LZTS1: variants seen among roughly 807,000 people sequenced by gnomAD.
LZTS1 encodes leucine zipper tumor suppressor 1, also known as leucine zipper putative tumor suppressor 1.
Under a neutral mutation model 45.8 loss-of-function variants are expected in LZTS1, and 31 were observed. The observed-to-expected ratio is 0.68, with a 90% CI of 0.51 to 0.91. The LOEUF is 0.91. Ranked by LOEUF, LZTS1 falls within the 40% of genes least tolerant of loss-of-function variation. The probability of loss-of-function intolerance (pLI) is 0.00; values close to 1 mark genes in which losing one functional copy is unlikely to be tolerated. For missense variants in LZTS1, 821 were observed against 788.9 expected, an observed-to-expected ratio of 1.04 and a Z score of -0.49; for synonymous variants, 359 against 357.3, an observed-to-expected ratio of 1.00 and a Z score of -0.05.
At chr8:20,258,137 G>T (rs890645427) in intron 1 of LZTS1, among the ~76,000 whole-genome samples, 1 of 152,200 alleles carries the variant, frequency 6.6e-6, no homozygotes, top group East Asian at 1.9e-4. Flanking sequence ...AGCTAGGAAA[G>T]GTTGGTGATT....
chr8:20,255,452 C>T, intron 1 of LZTS1, 137 bp from the exon 2 acceptor site: 1 of 506,688 alleles, frequency 2.0e-6, no homozygotes, highest in Non-Finnish European at 3.3e-6. Context: ...GTGCTCCGTT[C>T]CTTCTTCCTT....
intron 1 of LZTS1, among the ~76,000 whole-genome samples, chr8:20,280,861 A>C (rs1281623368): frequency 1.3e-5 from 2 of 152,110 alleles, no homozygotes; most frequent in Non-Finnish European, 2.9e-5. Flanking sequence ...AGGCTCTCTA[A>C]AAAACCGCTC....
chr8:20,279,145 G>A lies in LZTS1; in HGVS notation c.-134-23830C>T, dbSNP rs190892852. 2.2e-3 allele frequency among the ~76,000 whole-genome samples: 339 copies of A among 152,300 alleles called. 1 individual carries two copies. Among genetic ancestry groups the A allele is most frequent in the African/African-American group, 7.8e-3 (322 of 41,548 alleles). ...TCCAGCTCAAATGTCACTTCCTCCAGGAAGCCATCCTATGTTTTCTTTGCT... is the reference window on the plus strand; with the variant it reads ...TCCAGCTCAAATGTCACTTCCTCCAAGAAGCCATCCTATGTTTTCTTTGCT... On this transcript the variant is annotated intron_variant, in intron 1 of 3. Transcript: ENST00000381569.
At chr8:20,274,272 C>T (rs1800530852) in intron 1 of LZTS1, among the ~76,000 whole-genome samples, 2 of 152,172 alleles carry the variant, frequency 1.3e-5, no homozygotes, top group South Asian at 2.1e-4. Context: ...AATGGATAAG[C>T]GTGTGTTTAT....
chr8:20,263,282 G>C (rs1245293644), intron 1 of LZTS1, among the ~76,000 whole-genome samples: 1 of 151,940 alleles, frequency 6.6e-6, no homozygotes, highest in Non-Finnish European at 1.5e-5. Flanking sequence ...AGAGCCTCGA[G>C]GCCCCTCTGG....
chr8:20,268,989 A>C (rs1015143199), intron 1 of LZTS1, among the ~76,000 whole-genome samples: 12 of 151,960 alleles, frequency 7.9e-5, no homozygotes, highest in African/African-American at 2.7e-4. Context: ...GCTGCCGGGG[A>C]GTCTTCCTCC....
At chr8:20,302,547 C>T (rs1009632847) in intron 1 of LZTS1, among the ~76,000 whole-genome samples, 2 of 152,176 alleles carry the variant, frequency 1.3e-5, no homozygotes, top group African/African-American at 4.8e-5. Context: ...GCAGATAGCT[C>T]ATCTCTTTGT....
rs200437710 is a variant in LZTS1 at position 20,254,872 on chromosome 8, G to A, written c.310C>T (p.Pro104Ser). 2 of 1,613,544 alleles carry A rather than the reference G, an allele frequency of 1.2e-6. No individual in the cohort carries two copies. The highest frequency in any genetic ancestry group is 8.5e-7 in the Non-Finnish European group (1 of 1,179,596). Reference protein sequence around the residue: ...AGVDFDPSTPPKLMPFSNQLE... With the variant: ...AGVDFDPSTPSKLMPFSNQLE... Reference sequence around the variant, plus strand: ...TGATTGGAGAAGGGCATGAGCTTGGGGGGTGTGGACGGGTCAAAGTCCACC... The same window carrying A: ...TGATTGGAGAAGGGCATGAGCTTGGAGGGTGTGGACGGGTCAAAGTCCACC... The change falls in exon 2 of 4, where the codon CCC (proline) becomes TCC (serine). Residue 104 changes from proline to serine, a missense_variant. Physicochemically the swap from Pro to Ser is moderately conservative, Grantham distance 74. Transcript: ENST00000381569.
chr8:20,270,606 TTTGGTTTGGACAGGG>T (rs1800452437), intron 1 of LZTS1, among the ~76,000 whole-genome samples: 1 of 151,938 alleles, frequency 6.6e-6, no homozygotes, highest in East Asian at 1.9e-4. Context: ...CCAGGAGGGC[TTTGGTTTGGACAGGG>T]AAGAGGGAGA....
chr8:20,253,105 C>G lies in LZTS1; in HGVS notation c.826G>C (p.Ala276Pro), dbSNP rs150380039. The change falls in exon 3 of 4, where the codon GCC (alanine) becomes CCC (proline). Residue 276 changes from alanine to proline, a missense_variant. By Grantham distance (27) the Ala-to-Pro change is conservative. Coordinates refer to ENST00000381569, the MANE Select transcript of LZTS1 (RefSeq NM_021020.5). ...LEQKLLEREG[A>P]LQKLQRSFEE... is the part of the protein sequence containing the mutation. ...AAGCTGCGCTGCAGCTTCTGGAGGG[C>G]GCCCTCCCTCTCCAACAGCTTCTGC... 10 of 1,610,658 alleles carry G rather than the reference C, an allele frequency of 6.2e-6. No individual in the cohort carries two copies. The Admixed American group carries it at 1.7e-4, about 27-fold the overall frequency.
chr8:20,271,320 T>C (rs1177584364), intron 1 of LZTS1, among the ~76,000 whole-genome samples: 1 of 152,134 alleles, frequency 6.6e-6, no homozygotes, highest in African/African-American at 2.4e-5. Context: ...TCCGGCCGTG[T>C]TTCCACTCTC....
chr8:20,254,227 C>T (rs1171262836), intron 2 of LZTS1, among the ~76,000 whole-genome samples: 1 of 152,180 alleles, frequency 6.6e-6, no homozygotes, highest in Non-Finnish European at 1.5e-5. Flanking sequence ...TTTCAGTGTC[C>T]ACTCGTGGGA....
rs145365423 is a variant in LZTS1, at chr8:20,255,094, G to T, written c.88C>A (p.His30Asn). 3.1e-3 allele frequency: 5,054 copies of T among 1,614,218 alleles called. 6 individuals carry two copies. The highest frequency in any genetic ancestry group is 3.6e-3 in the Non-Finnish European group (4,267 of 1,180,042). Residue 30 changes from histidine (H) to asparagine (N), a missense_variant, in exon 2 of 4, where the codon CAC becomes AAC. Transcript: ENST00000381569. Reference sequence around the variant, plus strand: ...GAATACCGGTTGAGCTTCTTGAGGTGGGAGGACTTGCGCAGCTTGTACTGC... The same window carrying T: ...GAATACCGGTTGAGCTTCTTGAGGTTGGAGGACTTGCGCAGCTTGTACTGC... ...ASQYKLRKSSHLKKLNRYSDG... is the reference protein window; with the variant it reads ...ASQYKLRKSSNLKKLNRYSDG...
At chr8:20,294,514 C>T (rs1169126546) in intron 1 of LZTS1, among the ~76,000 whole-genome samples, 1 of 152,178 alleles carries the variant, frequency 6.6e-6, no homozygotes, top group African/African-American at 2.4e-5. Context: ...CTCCGCCTGG[C>T]TCCTCTCATT....
At chr8:20,263,258 C>A (rs1182388826) in intron 1 of LZTS1, among the ~76,000 whole-genome samples, 1 of 152,108 alleles carries the variant, frequency 6.6e-6, no homozygotes, top group Non-Finnish European at 1.5e-5. Context: ...TGTGGGTCTT[C>A]CCTTCACTGG....
intron 1 of LZTS1, among the ~76,000 whole-genome samples, chr8:20,278,319 G>T (rs6985105): frequency 0.017 from 2,564 of 152,246 alleles, 62 homozygotes; most frequent in African/African-American, 0.057. Flanking sequence ...AAATGAGCAT[G>T]CACACAACTT....
chr8:20,301,197 T>C (rs6586903), intron 1 of LZTS1, among the ~76,000 whole-genome samples: 134,271 of 150,852 alleles, frequency 0.89, 59,792 homozygotes, highest in East Asian at 1. Flanking sequence ...GAATATTCCA[T>C]GCAGAAGAAA....
chr8:20,290,488 A>G (rs1273853553), intron 1 of LZTS1: 2 of 152,244 alleles, frequency 1.3e-5, no homozygotes, highest in Non-Finnish European at 2.9e-5. Context: ...GAGGACTCGT[A>G]TATGTGTTCC....
chr8:20,302,944 G>A (rs551182993), intron 1 of LZTS1, among the ~76,000 whole-genome samples: 4 of 152,272 alleles, frequency 2.6e-5, no homozygotes, highest in Non-Finnish European at 5.9e-5. Flanking sequence ...GTGTCTCGGG[G>A]ATGCCTGTTG....
Sources: gnomAD v4.1 joint callset for allele counts (sites outside exome capture counted in the v4.1 genomes callset) on GRCh38, gnomAD v4.1.1 for gene constraint, MANE v1.5 for transcripts, NCBI Gene and HGNC (gene_info 2026-07-23, HGNC 2026-07-21) for gene names.